The following DDC variants were observed in gnomAD, a reference collection of about 807,000 sequenced individuals.
DDC encodes dopa decarboxylase.
A neutral mutation model predicts 60.0 loss-of-function variants in DDC; 43 were observed. The observed-to-expected ratio is 0.72, with a 90% CI of 0.56 to 0.92. The LOEUF (loss-of-function observed/expected upper bound fraction) is 0.92. DDC is among the 40% of genes least tolerant of loss of function. The pLI is 0.00. For missense variants in DDC, 573 were observed against 620.2 expected, an observed-to-expected ratio of 0.92 and a Z score of 0.81; for synonymous variants, 232 against 234.6, an observed-to-expected ratio of 0.99 and a Z score of 0.10.
At chr7:50,549,409 T>A (rs1426769535) in intron 1 of DDC, among the ~76,000 whole-genome samples, 2 of 152,050 alleles carry the variant, frequency 1.3e-5, no homozygotes, top group Non-Finnish European at 2.9e-5. Context: ...TCCCAGCACT[T>A]TGGGAGGCCA....
intron 10 of DDC, 70 bp downstream of exon 10, chr7:50,479,717 G>A (rs2042724713): frequency 7.5e-7 from 1 of 1,334,870 alleles, no homozygotes; most frequent in African/African-American, 1.4e-5. Flanking sequence ...CTAACTCCCA[G>A]GGACCTCCAG....
At chr7:50,499,813 G>A (rs1286676999) in intron 7 of DDC, among the ~76,000 whole-genome samples, 1 of 152,190 alleles carries the variant, frequency 6.6e-6, no homozygotes, top group Non-Finnish European at 1.5e-5. Context: ...GGCAGGGGCT[G>A]CCTCATTCAG....
chr7:50,480,397 C>T (rs1215929303), intron 9 of DDC, among the ~76,000 whole-genome samples: 2 of 152,216 alleles, frequency 1.3e-5, no homozygotes, highest in African/African-American at 4.8e-5. Flanking sequence ...TGTTTGTACT[C>T]TTTATAACCT....
chr7:50,508,223 C>A (rs2043453015), intron 6 of DDC, among the ~76,000 whole-genome samples: 2 of 152,218 alleles, frequency 1.3e-5, no homozygotes, highest in Admixed American at 6.5e-5. Context: ...TCTCAGAAGC[C>A]ACTTTAAAGC....
At chr7:50,518,116 C>T (rs1276409471) in intron 6 of DDC, among the ~76,000 whole-genome samples, 1 of 150,276 alleles carries the variant, frequency 6.7e-6, no homozygotes, top group Non-Finnish European at 1.5e-5. Context: ...GAGGCTGAGG[C>T]AGGAGAATGG....
At chr7:50,484,225 A>T (rs570956724) in intron 9 of DDC, among the ~76,000 whole-genome samples, 1 of 152,330 alleles carries the variant, frequency 6.6e-6, no homozygotes, top group East Asian at 1.9e-4. Context: ...AGGCAGGCCA[A>T]CTACCAACAT....
In DDC at chr7:50,554,725, C is replaced by T. The variant is rs1259277822; in HGVS notation, c.-29+10560G>A. ...ACTGCTCTTCTCAGAGACTGTGGTC[C>T]TCAAAGCCAATTATTCTACATGATT... On this transcript the variant is annotated intron_variant, in intron 1 of 14. Transcript: ENST00000444124. Among the ~76,000 whole-genome samples, 2 of 152,196 alleles carry T rather than the reference C, an allele frequency of 1.3e-5. 1 individual carries two copies. The highest frequency in any genetic ancestry group is 2.9e-5 in the Non-Finnish European group (2 of 68,034).
intron 1 of DDC, among the ~76,000 whole-genome samples, chr7:50,563,700 C>G (rs898034005): frequency 1.6e-4 from 24 of 152,306 alleles, no homozygotes; most frequent in Admixed American, 1.6e-3. Flanking sequence ...CTCCCACGCT[C>G]AAGTGATTAT....
At chr7:50,560,700 C>T (rs1351229965) in intron 1 of DDC, among the ~76,000 whole-genome samples, 1 of 152,186 alleles carries the variant, frequency 6.6e-6, no homozygotes, top group Admixed American at 6.5e-5. Flanking sequence ...ATGTTGCTGT[C>T]ATGGCTCTAG....
At chr7:50,552,933 T>C (rs975451093) in intron 1 of DDC, among the ~76,000 whole-genome samples, 1 of 152,228 alleles carries the variant, frequency 6.6e-6, no homozygotes, top group African/African-American at 2.4e-5. Context: ...CTTCCACCTG[T>C]GCCATCTCCT....
At chr7:50,495,300 T>A in intron 9 of DDC, 50 bp downstream of exon 9, 1 of 1,430,856 alleles carries the variant, frequency 7.0e-7, no homozygotes, top group Non-Finnish European at 9.9e-7. Flanking sequence ...CCAGCTTCTT[T>A]CACTGTCACC....
At chr7:50,534,679 A>G (rs1585248641) in intron 4 of DDC, among the ~76,000 whole-genome samples, 1 of 152,170 alleles carries the variant, frequency 6.6e-6, no homozygotes, top group East Asian at 1.9e-4. Context: ...CGTGTATAAA[A>G]CTAAAAGAAA....
chr7:50,477,693 C>A (rs887196386), intron 10 of DDC: 1 of 344,046 alleles, frequency 2.9e-6, no homozygotes, highest in Non-Finnish European at 5.7e-6. Context: ...ACCTCCACCC[C>A]CTGTTTTATG....
intron 2 of DDC, chr7:50,542,211 T>C (rs1431372495): frequency 1.3e-5 from 2 of 152,198 alleles, no homozygotes; most frequent in East Asian, 1.9e-4. Context: ...TTTATGCCAA[T>C]GCATTTGTAA....
intron 1 of DDC, among the ~76,000 whole-genome samples, chr7:50,563,688 G>A (rs542746959): frequency 3.3e-5 from 5 of 152,068 alleles, no homozygotes; most frequent in African/African-American, 7.2e-5. Context: ...CGCAACCTCC[G>A]CCTCCCACGC....
intron 9 of DDC, among the ~76,000 whole-genome samples, chr7:50,488,473 A>T (rs1344852153): frequency 6.6e-6 from 1 of 151,852 alleles, no homozygotes; most frequent in Non-Finnish European, 1.5e-5. Flanking sequence ...AAACAATTTT[A>T]CATGACAAAA....
At chr7:50,464,941 C>T (rs2042362171) in intron 13 of DDC, among the ~76,000 whole-genome samples, 1 of 152,184 alleles carries the variant, frequency 6.6e-6, no homozygotes. Context: ...CGCGCTTCCT[C>T]CAGAAACTGG....
intron 6 of DDC, among the ~76,000 whole-genome samples, chr7:50,519,717 A>G (rs1489742131): frequency 1.3e-5 from 2 of 151,152 alleles, no homozygotes; most frequent in Non-Finnish European, 3.0e-5. Context: ...GAATGATACA[A>G]TGGGCTTTGG....
intron 13 of DDC, 119 bp downstream of exon 13, chr7:50,467,095 G>A: frequency 1.0e-6 from 1 of 964,970 alleles, no homozygotes; most frequent in South Asian, 1.3e-5. Context: ...AAAGAATGCA[G>A]GCTTTGCTCT....
Sources: gnomAD v4.1 joint callset for allele counts (sites outside exome capture counted in the v4.1 genomes callset) on GRCh38, gnomAD v4.1.1 for gene constraint, MANE v1.5 for transcripts, NCBI Gene and HGNC (gene_info 2026-07-23, HGNC 2026-07-21) for gene names.